COBL: variants seen among roughly 807,000 people sequenced by gnomAD.
The protein encoded by COBL is protein cordon-bleu.
A neutral mutation model predicts 98.8 loss-of-function variants in COBL; 51 were observed. The observed-to-expected ratio is 0.52, with a 90% confidence interval of 0.41 to 0.65. COBL has a LOEUF of 0.65. Ranked by LOEUF, COBL falls within the 30% of genes least tolerant of loss-of-function variation. The pLI is 0.00. For synonymous variants in COBL, 634 were observed against 651.7 expected, an observed-to-expected ratio of 0.97 and a Z score of 0.41; for missense variants, 1,617 against 1,617.5, an observed-to-expected ratio of 1.00 and a Z score of 0.01.
At chr7:51,288,408 T>A (rs1225051050) in intron 1 of COBL, among the ~76,000 whole-genome samples, 7 of 127,834 alleles carry the variant, frequency 5.5e-5, no homozygotes, top group African/African-American at 2.1e-4. Flanking sequence ...CACTCCAGCC[T>A]GGGCAACAGT....
intron 1 of COBL, chr7:51,259,755 T>A: frequency 4.0e-6 from 3 of 746,894 alleles, no homozygotes; most frequent in Non-Finnish European, 7.4e-6. Flanking sequence ...AATACCCAGA[T>A]CACATAAGTT....
At chr7:51,256,064 C>G (rs1797170970) in intron 1 of COBL, among the ~76,000 whole-genome samples, 1 of 152,148 alleles carries the variant, frequency 6.6e-6, no homozygotes, top group African/African-American at 2.4e-5. Context: ...GAAATGTGTT[C>G]TGGAATGCCG....
rs114997473 is a variant in COBL at position 51,045,206 on chromosome 7, T to C, written c.1097-1514A>G. Among the ~76,000 whole-genome samples the C allele has an allele frequency of 5.4e-3, 822 of 152,322 alleles. 8 individuals carry two copies. The highest frequency in any genetic ancestry group is 0.019 in the African/African-American group (793 of 41,562). On this transcript the variant is annotated intron_variant, in intron 7 of 12. Coordinates refer to ENST00000265136, the MANE Select transcript of COBL (RefSeq NM_015198.5). ...AAAACCAGCACGTTTTTTCTGTCTATGTTGTATATAAAAAGTATGACAAGA... is the reference window on the plus strand; with the variant it reads ...AAAACCAGCACGTTTTTTCTGTCTACGTTGTATATAAAAAGTATGACAAGA...
At chr7:51,159,138 G>A (rs1001524621) in intron 5 of COBL, among the ~76,000 whole-genome samples, 1 of 152,140 alleles carries the variant, frequency 6.6e-6, no homozygotes, top group Non-Finnish European at 1.5e-5. Flanking sequence ...CCGGCCGCGC[G>A]CACCTGGCGG....
chr7:51,270,158 A>G (rs1221856596), intron 1 of COBL, among the ~76,000 whole-genome samples: 2 of 152,194 alleles, frequency 1.3e-5, no homozygotes, highest in Non-Finnish European at 2.9e-5. Context: ...CACCTGTCTG[A>G]GCACACAGGG....
intron 3 of COBL, among the ~76,000 whole-genome samples, chr7:51,191,578 A>G (rs565558607): frequency 6.6e-6 from 1 of 151,184 alleles, no homozygotes; most frequent in African/African-American, 2.4e-5. Flanking sequence ...TACTGTATAT[A>G]TGTACTATAT....
At chr7:51,294,362 A>T (rs941191364) in intron 1 of COBL, among the ~76,000 whole-genome samples, 19 of 151,292 alleles carry the variant, frequency 1.3e-4, no homozygotes, top group African/African-American at 4.6e-4. Flanking sequence ...GGCAGGGCGC[A>T]GAGCTCATGC....
intron 8 of COBL, 36 bp from the exon 9 acceptor site, chr7:51,030,945 T>C (rs772919148): frequency 7.5e-7 from 1 of 1,339,214 alleles, no homozygotes; most frequent in South Asian, 1.2e-5. Context: ...CACTCATTTC[T>C]CTTACTATTG....
intron 2 of COBL, among the ~76,000 whole-genome samples, chr7:51,196,791 C>T (rs1790637245): frequency 6.6e-6 from 1 of 151,732 alleles, no homozygotes; most frequent in African/African-American, 2.4e-5. Context: ...TCCATTTCTT[C>T]CAGATTTTCT....
chr7:51,315,634 G>A (rs1313514314), intron 1 of COBL, among the ~76,000 whole-genome samples: 3 of 131,340 alleles, frequency 2.3e-5, no homozygotes, highest in Admixed American at 7.4e-5. Flanking sequence ...GAGTTCGAAG[G>A]TCCCCGGCGC....
chr7:51,122,548 C>T (rs547299120), intron 6 of COBL, among the ~76,000 whole-genome samples: 3 of 152,324 alleles, frequency 2.0e-5, no homozygotes, highest in African/African-American at 4.8e-5. Flanking sequence ...TTCGTCTCCA[C>T]ATTGTAGAAT....
At chr7:51,305,730 C>T (rs1802399630) in intron 1 of COBL, among the ~76,000 whole-genome samples, 1 of 152,176 alleles carries the variant, frequency 6.6e-6, no homozygotes, top group African/African-American at 2.4e-5. Flanking sequence ...CAGGTATGCG[C>T]TTAAAACATT....
intron 1 of COBL, among the ~76,000 whole-genome samples, chr7:51,256,987 T>C (rs1434336156): frequency 1.3e-5 from 2 of 152,130 alleles, no homozygotes; most frequent in Non-Finnish European, 2.9e-5. Context: ...GAACAGGGAA[T>C]GAGGAAGCCC....
chr7:51,138,938 C>G (rs1799491635), intron 5 of COBL, among the ~76,000 whole-genome samples: 1 of 152,198 alleles, frequency 6.6e-6, no homozygotes, highest in South Asian at 2.1e-4. Flanking sequence ...CTATGCCTGC[C>G]TGACTGATCA....
intron 1 of COBL, among the ~76,000 whole-genome samples, chr7:51,299,842 C>T (rs927825617): frequency 6.6e-6 from 1 of 152,210 alleles, no homozygotes; most frequent in Non-Finnish European, 1.5e-5. Context: ...CATGACTCCA[C>T]AAGACAGGTC....
chr7:51,060,980 G>A (rs747836992), intron 7 of COBL, among the ~76,000 whole-genome samples: 3 of 152,128 alleles, frequency 2.0e-5, no homozygotes, highest in Non-Finnish European at 4.4e-5. Flanking sequence ...TAAGCCCTGC[G>A]ATGAAGGTCA....
intron 5 of COBL, among the ~76,000 whole-genome samples, chr7:51,160,104 C>G (rs943990615): frequency 1.3e-5 from 2 of 152,148 alleles, no homozygotes; most frequent in African/African-American, 4.8e-5. Context: ...ATTGGTCAGG[C>G]TGGTCTCAAA....
chr7:51,225,709 C>T (rs559677401), intron 1 of COBL, among the ~76,000 whole-genome samples: 2 of 152,352 alleles, frequency 1.3e-5, no homozygotes, highest in South Asian at 4.1e-4. Context: ...CACACATTTA[C>T]TAAGTTTCAG....
chr7:51,068,100 C>A (rs571316046), intron 7 of COBL, among the ~76,000 whole-genome samples: 1 of 152,184 alleles, frequency 6.6e-6, no homozygotes, highest in Non-Finnish European at 1.5e-5. Flanking sequence ...CAGGCTTGAG[C>A]GGCAGAGGCG....
Sources: gnomAD v4.1 joint callset for allele counts (sites outside exome capture counted in the v4.1 genomes callset) on GRCh38, gnomAD v4.1.1 for gene constraint, MANE v1.5 for transcripts, NCBI Gene and HGNC (gene_info 2026-07-23, HGNC 2026-07-21) for gene names.